Variants in BRD8 observed in about 807,000 individuals in gnomAD.
The protein encoded by BRD8 is bromodomain containing 8, also known as bromodomain-containing protein 8.
A neutral mutation model predicts 143.1 loss-of-function variants in BRD8; 67 were observed. The ratio of observed to expected loss-of-function variants is 0.47; its 90% CI spans 0.38 to 0.57. The LOEUF is 0.57. Among genes scored for constraint, BRD8 ranks in the 20% least tolerant of loss-of-function variants. The probability of loss-of-function intolerance (pLI) is 0.00; values close to 1 mark genes in which losing one functional copy is unlikely to be tolerated. For missense variants in BRD8, 1,103 were observed against 1,503.0 expected (o/e 0.73, Z 4.40); for synonymous variants, 505 against 517.1 (o/e 0.98, Z 0.32).
At chr5:138,148,190 G>GAA (rs915537579) in intron 23 of BRD8, among the ~76,000 whole-genome samples, 102 of 147,044 alleles carry the variant, frequency 6.9e-4, no homozygotes, top group African/African-American at 2.5e-3. Context: ...AAAAAAAAGG[G>GAA]AAAAAAAAAG....
rs147364810 is a variant in BRD8, at chr5:138,172,665, C to CA, written c.117-532dup. 661 of 216,528 alleles carry CA rather than the reference C, an allele frequency of 3.1e-3. 1 individual carries two copies. The highest frequency in any genetic ancestry group is 4.4e-3 in the South Asian group (178 of 40,518). The allele number at this position is 216,528 out of a possible 1,614,324, so 13.4% of individuals were successfully genotyped here. On this transcript the variant is annotated intron_variant, in intron 2 of 26. Coordinates refer to ENST00000254900, the MANE Select transcript of BRD8 (RefSeq NM_139199.2). Reference sequence around the variant, plus strand: ...GCCACCCGAGGAGATCCCATCCCTACAAAAAAAAAAAAAAAAAAAAAAAAA... The same window carrying CA: ...GCCACCCGAGGAGATCCCATCCCTACAAAAAAAAAAAAAAAAAAAAAAAAAA...
In BRD8 at chr5:138,165,083, G is replaced by A; in HGVS notation, c.1362C>T (p.Ser454=). The part of the protein sequence containing the change: ...SFCEENDDPQ[S]LPGPWEHPIQ... ...TAGGATGCTCCCAGGGGCCAGGCAGGGACTGAGGATCATCATTTTCTTCAC... is the reference window on the plus strand; with the variant it reads ...TAGGATGCTCCCAGGGGCCAGGCAGAGACTGAGGATCATCATTTTCTTCAC... The change falls in exon 12 of 27, where the codon TCC becomes TCT. Residue 454 remains serine, a synonymous_variant. Transcript: ENST00000254900. The A allele has an allele frequency of 6.2e-7, 1 of 1,614,100 alleles. No homozygotes were observed. Among genetic ancestry groups the A allele is most frequent in the South Asian group, 1.1e-5 (1 of 91,082 alleles).
intron 2 of BRD8, among the ~76,000 whole-genome samples, chr5:138,176,314 T>G (rs1164823493): frequency 2.0e-5 from 3 of 152,146 alleles, no homozygotes; most frequent in Non-Finnish European, 4.4e-5. Flanking sequence ...GAGAGTTGGC[T>G]GGGTATGGTG....
chr5:138,170,353 G>A lies in BRD8; in HGVS notation c.497C>T (p.Ala166Val). 6.2e-7 allele frequency: 1 copy of A among 1,611,368 alleles called. No homozygotes were observed. The highest frequency in any genetic ancestry group is 1.3e-5 in the African/African-American group (1 of 74,986). ...TACTAGGTTCAGCTTACCCTGGTAT[G>A]CAGCATCTGTAGCCTTCCTCTTTAC... is the stretch of plus-strand genomic sequence containing the variant. ...AEVKRKATDAAYQARQAVKTP... is the reference protein window; with the variant it reads ...AEVKRKATDAVYQARQAVKTP... Residue 166 changes from alanine (A) to valine (V), a missense_variant, in exon 7 of 27, where the codon GCA becomes GTA. By Grantham distance (64) the Ala-to-Val change is moderately conservative. Transcript: ENST00000254900.
intron 24 of BRD8, 110 bp from the exon 25 acceptor site, chr5:138,145,355 G>A: frequency 1.2e-6 from 1 of 846,350 alleles, no homozygotes; most frequent in Non-Finnish European, 1.9e-6. Flanking sequence ...CAGACTGTCA[G>A]CACCATTAGG....
chr5:138,161,749 A>G, intron 17 of BRD8, 47 bp downstream of exon 17: 1 of 1,578,180 alleles, frequency 6.3e-7, no homozygotes, highest in South Asian at 1.1e-5. Context: ...AAGACTGGAC[A>G]ATTTATAATT....
rs1392255204 is a variant in BRD8 at position 138,172,045 on chromosome 5, G to T, written c.186+20C>A. 3.7e-6 allele frequency: 6 copies of T among 1,607,628 alleles called. No homozygotes were observed. In the African/African-American group the frequency reaches 8.0e-5, roughly 22 times the overall value. ...ACAACCCAAAGACTGCTCTAAAAGAGCCCTTGCTTGGGAACTTACTTTTTG... is the reference window on the plus strand; with the variant it reads ...ACAACCCAAAGACTGCTCTAAAAGATCCCTTGCTTGGGAACTTACTTTTTG... On this transcript the variant is annotated intron_variant, in intron 3 of 26. Transcript: ENST00000254900.
chr5:138,170,317 C>T (rs1318010806), intron 7 of BRD8, 28 bp downstream of exon 7: 1 of 1,468,184 alleles, frequency 6.8e-7, no homozygotes, highest in Non-Finnish European at 9.6e-7. Context: ...CAATCAATTG[C>T]TAAAGAGGCA....
intron 5 of BRD8, 51 bp downstream of exon 5, chr5:138,170,987 G>C: frequency 6.2e-7 from 1 of 1,612,780 alleles, no homozygotes; most frequent in African/African-American, 1.3e-5. Flanking sequence ...AGTACCAGAA[G>C]ACAGTCCCTT....
rs1164312389 is a variant in BRD8, at chr5:138,164,482, T to C, written c.1732-69A>G. The C allele has an allele frequency of 4.1e-6, 6 of 1,458,448 alleles. No individual in the cohort carries two copies. In the African/African-American group the frequency reaches 8.4e-5, roughly 20 times the overall value. 90.3% of individuals were successfully genotyped at this position (1,458,448 alleles called of 1,614,324 possible). Reference sequence around the variant, plus strand: ...GCTATAGCTCACACAACTTTATTCTTCAGTGATAATGAGACCATAGAAGAA... The same window carrying C: ...GCTATAGCTCACACAACTTTATTCTCCAGTGATAATGAGACCATAGAAGAA... On this transcript the variant is annotated intron_variant, in intron 12 of 26. Coordinates refer to ENST00000254900, the MANE Select transcript of BRD8 (RefSeq NM_139199.2).
chr5:138,172,169 C>T (rs758449091), intron 2 of BRD8, 35 bp from the exon 3 acceptor site: 3 of 1,545,968 alleles, frequency 1.9e-6, no homozygotes, highest in South Asian at 1.1e-5. Context: ...ACACACCAAG[C>T]AGAAAACAAT....
rs1349210091 is a variant in BRD8, at chr5:138,164,893, C to T, written c.1552G>A (p.Val518Ile). 4 of 1,614,076 alleles carry T rather than the reference C, an allele frequency of 2.5e-6. No homozygotes were observed. The highest frequency in any genetic ancestry group is 2.7e-5 in the African/African-American group (2 of 74,932). Residue 518 changes from valine to isoleucine, a missense_variant, in exon 12 of 27, where the codon GTC becomes ATC. Val to Ile is a conservative substitution (Grantham distance 29). This residue lies in a region of BRD8 where 139 missense variants were observed against 139.0 expected (regional missense o/e 1.00). Coordinates refer to ENST00000254900, the MANE Select transcript of BRD8 (RefSeq NM_139199.2). ...GCTACTATTTCGGCTCCTGAAATGA[C>T]TGGCTCTGGTTCTGCAGGTTCCACC... ...IKVEPAEPEP[V>I]ISGAEIVAGV... is the part of the protein sequence containing the mutation.
At chr5:138,178,561 A>G in intron 1 of BRD8, 35 bp downstream of exon 1, 1 of 1,602,668 alleles carries the variant, frequency 6.2e-7, no homozygotes, top group Non-Finnish European at 8.5e-7. Flanking sequence ...CGGATCTACA[A>G]AGGCCTTTCA....
intron 25 of BRD8, among the ~76,000 whole-genome samples, chr5:138,143,957 A>C (rs1752026856): frequency 6.6e-6 from 1 of 152,192 alleles, no homozygotes; most frequent in African/African-American, 2.4e-5. Flanking sequence ...CCCCTTCCAC[A>C]CTGTGGAGGC....
At position 138,140,888 on chromosome 5, in the gene BRD8, G is replaced by A. The variant is rs1160268429; in HGVS notation, c.3438-6C>T. The A allele has an allele frequency of 6.2e-7, 1 of 1,613,412 alleles. No individual in the cohort carries two copies. On this transcript the variant is annotated splice_region_variant and splice_polypyrimidine_tract_variant and intron_variant, in intron 25 of 26. Transcript: ENST00000254900. ...GGCTAGTTAAGTCCATGGGTCTGCAGGTGGCCAAGAAAAAACAAAGAAAAT... is the reference window on the plus strand; with the variant it reads ...GGCTAGTTAAGTCCATGGGTCTGCAAGTGGCCAAGAAAAAACAAAGAAAAT...
chr5:138,163,683 C>T (rs1478053333), intron 14 of BRD8: 1 of 1,315,280 alleles, frequency 7.6e-7, no homozygotes. Context: ...TATTTTGTGT[C>T]TCATTTGATG....
At chr5:138,152,440 G>C in intron 21 of BRD8, 42 bp downstream of exon 21, 1 of 1,604,548 alleles carries the variant, frequency 6.2e-7, no homozygotes, top group Non-Finnish European at 8.5e-7. Flanking sequence ...CTCTTAGAAA[G>C]TTGAGGCTTT....
Position 138,168,004 on chromosome 5 carries a change from G to C in BRD8, c.717C>G (p.Val239=), listed in dbSNP as rs1753576517. ...TCTCCCCACCATGTATCATGGGAAG[G>C]ACCCCGCCTACCTCCAGGAGGACAC... ...STGVLLEVGG[V]LPMIHGGEIQ... Residue 239 remains valine (V), a synonymous_variant, in exon 9 of 27, where the codon GTC becomes GTG. Transcript: ENST00000254900. The C allele has an allele frequency of 6.2e-7, 1 of 1,613,158 alleles. No individual in the cohort carries two copies. The highest frequency in any genetic ancestry group is 8.5e-7 in the Non-Finnish European group (1 of 1,179,174).
chr5:138,157,026 T>C, intron 20 of BRD8: 1 of 1,446,204 alleles, frequency 6.9e-7, no homozygotes. Flanking sequence ...GCCCATGGTT[T>C]CTGCCCTAAA....
Sources: gnomAD v4.1 joint callset for allele counts (sites outside exome capture counted in the v4.1 genomes callset) on GRCh38, gnomAD v4.1.1 for gene constraint, gnomAD v4.1.1 regional missense constraint, MANE v1.5 for transcripts, NCBI Gene and HGNC (gene_info 2026-07-23, HGNC 2026-07-21) for gene names.